The following GSN variants were observed in gnomAD, a reference collection of about 807,000 sequenced individuals.
GSN encodes gelsolin, also known as actin-depolymerizing factor.
A neutral mutation model predicts 85.7 loss-of-function variants in GSN; 56 were observed. That is an observed-to-expected ratio of 0.65 (90% confidence interval 0.53 to 0.82). The LOEUF is 0.82. GSN is among the 40% of genes least tolerant of loss of function. GSN has a pLI of 0.00. For synonymous variants in GSN, 373 were observed against 399.1 expected (o/e 0.93, Z 0.78); for missense variants, 857 against 979.8 (o/e 0.87, Z 1.67).
intron 4 of GSN, chr9:121,223,093 G>A (rs1427782526): frequency 1.3e-5 from 2 of 152,084 alleles, no homozygotes; most frequent in African/African-American, 2.4e-5. Flanking sequence ...CCTACAGGAG[G>A]GACATATAGC....
At chr9:121,228,782 C>A (rs2054328963) in intron 4 of GSN, among the ~76,000 whole-genome samples, 1 of 152,118 alleles carries the variant, frequency 6.6e-6, no homozygotes, top group Non-Finnish European at 1.5e-5. Flanking sequence ...GAACAGTACA[C>A]ACACATCCTT....
At chr9:121,223,000 G>A (rs1564339791) in intron 4 of GSN, 1 of 152,150 alleles carries the variant, frequency 6.6e-6, no homozygotes, top group African/African-American at 2.4e-5. Context: ...GCCAGCACTT[G>A]AGAGGGGCGC....
At chr9:121,267,086 A>T (rs2055244977), upstream of GSN, among the ~76,000 whole-genome samples, 1 of 152,226 alleles carries the variant, frequency 6.6e-6, no homozygotes, top group Admixed American at 6.5e-5. Context: ...GCCAGCACCC[A>T]GGCTGGGAAT....
chr9:121,312,553 G>T, intron 6 of GSN, 65 bp downstream of exon 6: 5 of 1,276,966 alleles, frequency 3.9e-6, no homozygotes, highest in Middle Eastern at 2.4e-4. Context: ...CTTCTGTTCA[G>T]TAGGCAATTT....
intron 11 of GSN, among the ~76,000 whole-genome samples, chr9:121,322,228 A>G (rs2062563993): frequency 6.6e-6 from 1 of 152,168 alleles, no homozygotes; most frequent in Non-Finnish European, 1.5e-5. Context: ...TCGTGAAAAA[A>G]AATACATATG....
chr9:121,262,870 A>G (rs1383683665), intron 6 of GSN, among the ~76,000 whole-genome samples: 2 of 152,238 alleles, frequency 1.3e-5, no homozygotes, highest in Non-Finnish European at 2.9e-5. Flanking sequence ...AGTGTCCCCA[A>G]TCACTCTATC....
intron 2 of GSN, among the ~76,000 whole-genome samples, chr9:121,289,590 T>C (rs889661342): frequency 9.9e-5 from 15 of 152,158 alleles, no homozygotes; most frequent in Admixed American, 9.2e-4. Flanking sequence ...AGGCTAACAT[T>C]TCTTGAGCCT....
intron 5 of GSN, among the ~76,000 whole-genome samples, chr9:121,240,784 T>A (rs1479166585): frequency 6.6e-6 from 1 of 152,204 alleles, no homozygotes; most frequent in Admixed American, 6.5e-5. Context: ...CGCAGGAGTT[T>A]GCTACACATT....
intron 4 of GSN, among the ~76,000 whole-genome samples, chr9:121,214,981 C>G (rs2054034267): frequency 6.6e-6 from 1 of 152,160 alleles, no homozygotes; most frequent in South Asian, 2.1e-4. Context: ...TCTCACAGTT[C>G]TGGAGGCTGG....
chr9:121,250,093 C>A (rs1303379576), intron 6 of GSN, among the ~76,000 whole-genome samples: 1 of 152,012 alleles, frequency 6.6e-6, no homozygotes, highest in African/African-American at 2.4e-5. Flanking sequence ...TAGCTCTGGT[C>A]GTACTTTCAT....
In GSN at chr9:121,323,122, C is replaced by T. The variant is rs148867694; in HGVS notation, c.1326-1432C>T. On this transcript the variant is annotated intron_variant, in intron 11 of 17. Coordinates refer to ENST00000432226, the MANE Select transcript of GSN (RefSeq NM_198252.3). ...TTGGGATTATAGGCATGAGCCACCACGCCAAGCTGGATTCCTTCTTTTTTT... is the reference window on the plus strand; with the variant it reads ...TTGGGATTATAGGCATGAGCCACCATGCCAAGCTGGATTCCTTCTTTTTTT... 3.5e-3 allele frequency among the ~76,000 whole-genome samples: 530 copies of T among 152,148 alleles called. 2 individuals are homozygous for T. The highest frequency in any genetic ancestry group is 0.012 in the African/African-American group (492 of 41,506).
intron 1 of GSN, among the ~76,000 whole-genome samples, chr9:121,271,370 A>G (rs2055924500): frequency 6.6e-6 from 1 of 152,180 alleles, no homozygotes; most frequent in Non-Finnish European, 1.5e-5. Context: ...AAAAGAAAAG[A>G]CAAAAAAAGC....
rs1413278282 is a variant in GSN at position 121,329,457 on chromosome 9, C to G, written c.1965+142C>G. Reference sequence around the variant, plus strand: ...AAAAGTCTCTAAGGGTACTGGAAGTCACTTCTTCTTTCTGAGCTTCCATTT... The same window carrying G: ...AAAAGTCTCTAAGGGTACTGGAAGTGACTTCTTCTTTCTGAGCTTCCATTT... On this transcript the variant is annotated intron_variant, in intron 16 of 17. Coordinates refer to ENST00000432226, the MANE Select transcript of GSN (RefSeq NM_198252.3). The surrounding 1 kb of genome is among the most constrained non-coding windows in gnomAD (Gnocchi z 4.6). The G allele has an allele frequency of 1.4e-6, 1 of 693,862 alleles. No individual in the cohort carries two copies. The highest frequency in any genetic ancestry group is 2.6e-6 in the Non-Finnish European group (1 of 377,756). The allele number at this position is 693,862 out of a possible 1,614,324, so 43.0% of individuals were successfully genotyped here. A position where few individuals can be genotyped will look rare whatever the true frequency, so the allele number is the denominator to read the frequency against.
intron 2 of GSN, among the ~76,000 whole-genome samples, chr9:121,285,805 C>T (rs562058722): frequency 4.6e-5 from 7 of 152,280 alleles, no homozygotes; most frequent in African/African-American, 1.7e-4. Context: ...GGTAGTGACT[C>T]CTTCAGGTCC....
At chr9:121,301,631 AAAAAAAAAAAAAAG>A (rs992761909) in intron 2 of GSN, among the ~76,000 whole-genome samples, 2 of 144,352 alleles carry the variant, frequency 1.4e-5, no homozygotes, top group Non-Finnish European at 3.0e-5. Flanking sequence ...GTCTCAAAAA[AAAAAAAAAAAAAAG>A]AAAAAAAGAA....
At chr9:121,243,787 G>A (rs922103756) in intron 5 of GSN, among the ~76,000 whole-genome samples, 6 of 152,000 alleles carry the variant, frequency 3.9e-5, no homozygotes, top group African/African-American at 1.5e-4. Flanking sequence ...CAGGTTGGCC[G>A]GGCTGGTCTT....
rs1339794134 is a variant in GSN at position 121,318,525 on chromosome 9, G to A, written c.975+31G>A. ...TCTTGGAGGCCAGGTAGGATGGGAA[G>A]GGGTGGGTCCTGTTTGGAGGGGATG... On this transcript the variant is annotated intron_variant, in intron 9 of 17. Coordinates refer to ENST00000432226, the MANE Select transcript of GSN (RefSeq NM_198252.3). This position sits in a 1 kb window ranked among gnomAD's most constrained non-coding sequence, Gnocchi z 4.3. 6.4e-7 allele frequency: 1 copy of A among 1,564,066 alleles called. No individual in the cohort carries two copies. The highest frequency in any genetic ancestry group is 2.2e-5 in the East Asian group (1 of 44,674).
At chr9:121,276,964 C>G (rs2056758473) in intron 1 of GSN, among the ~76,000 whole-genome samples, 1 of 152,086 alleles carries the variant, frequency 6.6e-6, no homozygotes, top group Non-Finnish European at 1.5e-5. Flanking sequence ...AAGAAAGAAA[C>G]CTGGTGGTGG....
intron 2 of GSN, chr9:121,281,874 G>C (rs1462063360): frequency 2.1e-6 from 1 of 471,186 alleles, no homozygotes; most frequent in Non-Finnish European, 4.4e-6. Flanking sequence ...TCCCTCTCAA[G>C]GCCTTGGTTG....
Sources: allele counts gnomAD v4.1 joint callset (sites outside exome capture counted in the v4.1 genomes callset), GRCh38; gene constraint gnomAD v4.1.1; non-coding constraint Gnocchi (gnomAD v3.1); transcripts MANE v1.5; gene names NCBI Gene and HGNC (gene_info 2026-07-23, HGNC 2026-07-21).